The following ATP8B1 variants were observed in gnomAD, a reference collection of about 807,000 sequenced individuals.
ATP8B1 encodes phospholipid-transporting ATPase IC.
A neutral mutation model predicts 149.9 loss-of-function variants in ATP8B1; 80 were observed. The observed-to-expected ratio is 0.53, with a 90% CI of 0.45 to 0.64. The LOEUF (loss-of-function observed/expected upper bound fraction) is 0.64, where lower values mean the gene tolerates loss of function less well. Among genes scored for constraint, ATP8B1 ranks in the 30% least tolerant of loss-of-function variants. The pLI is 0.00. For synonymous variants in ATP8B1, 536 were observed against 562.8 expected (o/e 0.95, Z 0.67); for missense variants, 1,247 against 1,552.6 (o/e 0.80, Z 3.31).
At chr18:57,701,346 A>G in intron 4 of ATP8B1, 33 bp from the exon 5 acceptor site, 4 of 1,571,168 alleles carry the variant, frequency 2.5e-6, no homozygotes, top group Non-Finnish European at 3.5e-6. Context: ...GTGTGTGTCC[A>G]TGAAGGCATA....
intron 16 of ATP8B1, among the ~76,000 whole-genome samples, chr18:57,672,904 A>C (rs1568189178): frequency 1.5e-5 from 1 of 68,510 alleles, no homozygotes; most frequent in African/African-American, 5.8e-5. Flanking sequence ...ATATATATAT[A>C]TATATATATA....
chr18:57,716,932 G>A (rs764696331), intron 2 of ATP8B1, among the ~76,000 whole-genome samples: 27 of 152,124 alleles, frequency 1.8e-4, no homozygotes, highest in South Asian at 4.2e-4. Context: ...GTCACAGAAC[G>A]AGTCTTAAAA....
At chr18:57,708,551 T>G (rs910789694) in intron 2 of ATP8B1, 1 of 152,252 alleles carries the variant, frequency 6.6e-6, no homozygotes, top group Non-Finnish European at 1.5e-5. Context: ...AATGGTTTAC[T>G]TTAGCACACA....
chr18:57,652,607 G>T lies in ATP8B1; in HGVS notation c.3138C>A (p.Ile1046=). 6.2e-7 allele frequency: 1 copy of T among 1,614,120 alleles called. No individual in the cohort carries two copies. ...AAGCTCCAAGAGGTATGAAGAAGAG[G>T]ATCATCGATGTTAGGACCCCATGCA... The part of the protein sequence containing the change: ...SLLHGVLTSM[I]LFFIPLGAYL... Residue 1046 remains isoleucine, a synonymous_variant, in exon 25 of 28, where the codon ATC becomes ATA. Coordinates refer to ENST00000648908, the MANE Select transcript of ATP8B1 (RefSeq NM_001374385.1).
At position 57,695,323 on chromosome 18, in the gene ATP8B1, A is replaced by G. The variant is rs1912755405; in HGVS notation, c.788T>C (p.Ile263Thr). Residue 263 changes from isoleucine to threonine, a missense_variant, in exon 10 of 28, where the codon ATT becomes ACT. Around this residue, in one of 3 missense-constraint regions of ATP8B1, gnomAD observed 853 missense variants for 1,035.7 expected, o/e 0.82. Coordinates refer to ENST00000648908, the MANE Select transcript of ATP8B1 (RefSeq NM_001374385.1). Reference sequence around the variant, plus strand: ...TCTGTTATTGGGTTCTTCACATTCAATAAAACCTTTTAAAAATATAAGATT... The same window carrying G: ...TCTGTTATTGGGTTCTTCACATTCAGTAAAACCTTTTAAAAATATAAGATT... ...EDTLATFDGFIECEEPNNRLD... is the reference protein window; with the variant it reads ...EDTLATFDGFTECEEPNNRLD... 4 of 1,600,028 alleles carry G rather than the reference A, an allele frequency of 2.5e-6. No homozygotes were observed. The highest frequency in any genetic ancestry group is 1.3e-5 in the African/African-American group (1 of 74,636).
intron 8 of ATP8B1, among the ~76,000 whole-genome samples, chr18:57,696,283 G>A (rs75376069): frequency 2.0e-5 from 3 of 152,248 alleles, no homozygotes; most frequent in East Asian, 1.9e-4. Context: ...GTCGGGCGCC[G>A]CGGCTCACGC....
intron 1 of ATP8B1, among the ~76,000 whole-genome samples, chr18:57,787,038 A>T (rs1248951165): frequency 1.3e-5 from 2 of 152,230 alleles, no homozygotes; most frequent in Non-Finnish European, 2.9e-5. Context: ...ACAGGATGTT[A>T]TGTTAGAAAT....
At chr18:57,648,954 A>G (rs1909405871) in intron 27 of ATP8B1, among the ~76,000 whole-genome samples, 1 of 151,034 alleles carries the variant, frequency 6.6e-6, no homozygotes, top group African/African-American at 2.4e-5. Context: ...CTTGAGTGCA[A>G]TGGCACGATC....
At chr18:57,775,240 C>T (rs1203295189) in intron 1 of ATP8B1, among the ~76,000 whole-genome samples, 2 of 152,044 alleles carry the variant, frequency 1.3e-5, no homozygotes, top group Non-Finnish European at 2.9e-5. Flanking sequence ...TTGCTTGAGC[C>T]CAGGGGTCAA....
chr18:57,738,612 T>C (rs1409199179), intron 1 of ATP8B1, among the ~76,000 whole-genome samples: 3 of 146,560 alleles, frequency 2.0e-5, no homozygotes, highest in African/African-American at 7.6e-5. Flanking sequence ...AGAGCGAAAC[T>C]CTGCCTCCAA....
intron 1 of ATP8B1, among the ~76,000 whole-genome samples, chr18:57,771,234 A>G (rs917639253): frequency 3.3e-5 from 5 of 152,220 alleles, no homozygotes; most frequent in African/African-American, 9.6e-5. Flanking sequence ...TAAGATGGTA[A>G]GTCTTATATC....
chr18:57,700,239 A>AT (rs1300878713), intron 6 of ATP8B1, among the ~76,000 whole-genome samples: 15 of 150,766 alleles, frequency 9.9e-5, no homozygotes, highest in Admixed American at 1.3e-4. Context: ...GATAAGCCAA[A>AT]TTTTTTTTTT....
intron 16 of ATP8B1, 91 bp downstream of exon 16, chr18:57,674,743 A>G: frequency 6.9e-7 from 1 of 1,442,192 alleles, no homozygotes; most frequent in East Asian, 2.3e-5. Context: ...TAGCTCTTTC[A>G]CTGGCTGCTT....
chr18:57,708,597 AGAAC>A (rs1913533354), intron 2 of ATP8B1: 1 of 152,236 alleles, frequency 6.6e-6, no homozygotes, highest in Non-Finnish European at 1.5e-5. Flanking sequence ...CCAGGGTTCT[AGAAC>A]ACTGTTCAGA....
intron 12 of ATP8B1, 67 bp from the exon 13 acceptor site, chr18:57,688,574 T>A: frequency 1.3e-6 from 2 of 1,508,268 alleles, no homozygotes; most frequent in Admixed American, 3.4e-5. Context: ...AGAGATTTTA[T>A]TCTCATTGTA....
rs1330711306 is a variant in ATP8B1 at position 57,784,428 on chromosome 18, G to A, written c.-26+18570C>T. Among the ~76,000 whole-genome samples, 3 of 152,126 alleles carry A rather than the reference G, an allele frequency of 2.0e-5. No homozygotes were observed. The highest frequency in any genetic ancestry group is 6.6e-5 in the Admixed American group (1 of 15,266). On this transcript the variant is annotated intron_variant, in intron 1 of 27. Coordinates refer to ENST00000648908, the MANE Select transcript of ATP8B1 (RefSeq NM_001374385.1). The surrounding 1 kb of genome is among the most constrained non-coding windows in gnomAD (Gnocchi z 4.4). Reference sequence around the variant, plus strand: ...GGGAGGATGACAGCTTGAACCTCGCGGATGGCAGCGGAGATAGAGGTTATC... The same window carrying A: ...GGGAGGATGACAGCTTGAACCTCGCAGATGGCAGCGGAGATAGAGGTTATC...
intron 21 of ATP8B1, 116 bp from the exon 22 acceptor site, chr18:57,661,578 T>A (rs1447292102): frequency 8.9e-7 from 1 of 1,124,096 alleles, no homozygotes; most frequent in Non-Finnish European, 1.3e-6. Flanking sequence ...TGATTATATT[T>A]GACAAATAAA....
rs1175482217 is a variant in ATP8B1, at chr18:57,795,410, AT to A, written c.-26+7587del. Among the ~76,000 whole-genome samples, 6 of 152,252 alleles carry A rather than the reference AT, an allele frequency of 3.9e-5. No homozygotes were observed. In the South Asian group the frequency reaches 6.2e-4, roughly 16 times the overall value. On this transcript the variant is annotated intron_variant, in intron 1 of 27. Coordinates refer to ENST00000648908, the MANE Select transcript of ATP8B1 (RefSeq NM_001374385.1). ...AGAGTGAGACCTTGTCTTAAAAAAA[AT>A]TTTTTTAATTGAAAAAATTACAGTA... is the stretch of plus-strand genomic sequence containing the variant.
Position 57,802,054 on chromosome 18 carries a change from G to C in ATP8B1, c.-26+944C>G, listed in dbSNP as rs1437116782. The stretch of plus-strand genomic sequence containing the variant: ...GTCACGGATCTGCGCTCCGAGCACC[G>C]CCCCCCCCCGCAACCAGCCACCAAC... On this transcript the variant is annotated intron_variant, in intron 1 of 27. Transcript: ENST00000648908. This position sits in a 1 kb window ranked among gnomAD's most constrained non-coding sequence, Gnocchi z 4.9. 1 of 130,758 alleles carries C rather than the reference G, an allele frequency of 7.6e-6. No homozygotes were observed. Among genetic ancestry groups the C allele is most frequent in the Non-Finnish European group, 1.7e-5 (1 of 60,530 alleles). The allele number at this position is 130,758 out of a possible 1,614,324, so 8.1% of individuals were successfully genotyped here.
Sources: allele counts gnomAD v4.1 joint callset (sites outside exome capture counted in the v4.1 genomes callset), GRCh38; gene constraint gnomAD v4.1.1; regional missense constraint gnomAD v4.1.1; non-coding constraint Gnocchi (gnomAD v3.1); transcripts MANE v1.5; gene names NCBI Gene and HGNC (gene_info 2026-07-23, HGNC 2026-07-21).